Variants in ZBTB8A observed in about 807,000 individuals in gnomAD.
The protein encoded by ZBTB8A is zinc finger and BTB domain containing 8A, also known as zinc finger and BTB domain-containing protein 8A.
Under a neutral mutation model 37.8 loss-of-function variants are expected in ZBTB8A, and 19 were observed. That is an observed-to-expected ratio of 0.50 (90% CI 0.35 to 0.74). ZBTB8A has a LOEUF of 0.74. Among genes scored for constraint, ZBTB8A ranks in the 30% least tolerant of loss-of-function variants. The pLI, the probability that ZBTB8A is intolerant of heterozygous loss-of-function variation, is 0.01. For missense variants in ZBTB8A, 394 were observed against 537.8 expected (o/e 0.73, Z 2.65); for synonymous variants, 181 against 185.2 (o/e 0.98, Z 0.19).
intron 1 of ZBTB8A, among the ~76,000 whole-genome samples, chr1:32,542,224 A>C (rs1436985712): frequency 6.6e-6 from 1 of 151,356 alleles, no homozygotes; most frequent in Non-Finnish European, 1.5e-5. Context: ...GGTGGGACAC[A>C]TTAAATTTTA....
Position 32,592,986 on chromosome 1 carries a change from A to G in ZBTB8A, c.55A>G (p.Arg19Gly). 1.9e-6 allele frequency: 3 copies of G among 1,614,202 alleles called. No individual in the cohort carries two copies. Among genetic ancestry groups the G allele is most frequent in the Non-Finnish European group, 2.5e-6 (3 of 1,180,028 alleles). Residue 19 changes from arginine (R) to glycine (G), a missense_variant, in exon 3 of 5, where the codon AGG becomes GGG. This residue lies in a region of ZBTB8A where 96 missense variants were observed against 165.6 expected (regional missense o/e 0.58). Transcript: ENST00000373510. ...HLLQQLNEQR[R>G]QDVFCDCSIL... ...CCTGCAGCAACTGAACGAGCAGCGC[A>G]GGCAAGATGTATTTTGTGACTGCAG...
chr1:32,579,143 C>G lies in ZBTB8A; in HGVS notation c.-1-13788C>G, dbSNP rs147508866. Among the ~76,000 whole-genome samples the G allele has an allele frequency of 7.2e-5, 11 of 152,130 alleles. No homozygotes were observed. In the East Asian group the frequency reaches 2.1e-3, roughly 29 times the overall value. On this transcript the variant is annotated intron_variant, in intron 2 of 4. Transcript: ENST00000373510. ...TCAGCTTCAGCAAAGAATGTTTACT[C>G]TGGCTGGTCAAAACTTAAATATCAG...
At chr1:32,549,460 C>G (rs549961672) in intron 1 of ZBTB8A, among the ~76,000 whole-genome samples, 4 of 151,290 alleles carry the variant, frequency 2.6e-5, no homozygotes, top group Admixed American at 2.6e-4. Flanking sequence ...CACCGTTGCA[C>G]TCCAGCCTGG....
At chr1:32,565,406 C>A (rs1644270916) in intron 2 of ZBTB8A, among the ~76,000 whole-genome samples, 1 of 152,258 alleles carries the variant, frequency 6.6e-6, no homozygotes, top group African/African-American at 2.4e-5. Context: ...ATAATCCCTG[C>A]ACTTTGGGAG....
At chr1:32,555,342 C>T (rs919197152) in intron 2 of ZBTB8A, among the ~76,000 whole-genome samples, 2 of 151,962 alleles carry the variant, frequency 1.3e-5, no homozygotes, top group African/African-American at 4.8e-5. Context: ...TGAGCTGAGA[C>T]GGTGCCACTG....
chr1:32,545,040 A>G (rs1644091561), intron 1 of ZBTB8A, among the ~76,000 whole-genome samples: 1 of 152,192 alleles, frequency 6.6e-6, no homozygotes, highest in African/African-American at 2.4e-5. Context: ...GCTGGGTCAT[A>G]TGATAACTCC....
chr1:32,601,359 A>C lies in ZBTB8A; in HGVS notation c.*940A>C, dbSNP rs1341464779. 3.7e-6 allele frequency: 1 copy of C among 267,512 alleles called. No individual in the cohort carries two copies. Among genetic ancestry groups the C allele is most frequent in the Admixed American group, 5.4e-5 (1 of 18,666 alleles). The allele number at this position is 267,512 out of a possible 1,614,324, so 16.6% of individuals were successfully genotyped here. A position where few individuals can be genotyped will look rare whatever the true frequency, so the allele number is the denominator to read the frequency against. ...CATGGTGGCGGGTGCCTATAATCCC[A>C]GCTACTCGGGAGGCTGAGGCAGGAG... On this transcript the variant is annotated 3_prime_UTR_variant, in exon 5 of 5. Transcript: ENST00000373510.
In ZBTB8A at chr1:32,595,646, T is replaced by C. The variant is rs1013976464; in HGVS notation, c.993+423T>C. Among the ~76,000 whole-genome samples, 3 of 149,230 alleles carry C rather than the reference T, an allele frequency of 2.0e-5. No individual in the cohort carries two copies. The Admixed American group carries it at 2.0e-4, about 10-fold the overall frequency. ...GTGCAGTGGTGCCATCTCAGCTCACTGCAGCTTTTGTTTTTTTTTTTGAGA... is the reference window on the plus strand; with the variant it reads ...GTGCAGTGGTGCCATCTCAGCTCACCGCAGCTTTTGTTTTTTTTTTTGAGA... On this transcript the variant is annotated intron_variant, in intron 4 of 4. Transcript: ENST00000373510.
intron 4 of ZBTB8A, among the ~76,000 whole-genome samples, chr1:32,598,152 A>T (rs919177382): frequency 1.3e-5 from 2 of 151,548 alleles, no homozygotes; most frequent in Non-Finnish European, 2.9e-5. Flanking sequence ...TACACACAGG[A>T]TAATAACTGT....
intron 3 of ZBTB8A, among the ~76,000 whole-genome samples, chr1:32,594,111 T>C (rs1644510917): frequency 6.6e-6 from 1 of 151,618 alleles, no homozygotes; most frequent in African/African-American, 2.4e-5. Flanking sequence ...GGAGAATCAC[T>C]TGAACCCGGG....
At chr1:32,552,615 G>A (rs1419541828) in intron 1 of ZBTB8A, among the ~76,000 whole-genome samples, 2 of 151,902 alleles carry the variant, frequency 1.3e-5, no homozygotes, top group East Asian at 1.9e-4. Flanking sequence ...GCAGTGAGCC[G>A]AGATCACGCC....
At chr1:32,542,825 G>A (rs905145099) in intron 1 of ZBTB8A, among the ~76,000 whole-genome samples, 5 of 152,114 alleles carry the variant, frequency 3.3e-5, no homozygotes, top group African/African-American at 1.2e-4. Context: ...TATTTAAAAT[G>A]TTTCCATTTG....
intron 2 of ZBTB8A, among the ~76,000 whole-genome samples, chr1:32,572,674 G>A (rs1401774440): frequency 1.3e-5 from 2 of 152,162 alleles, no homozygotes; most frequent in African/African-American, 4.8e-5. Flanking sequence ...TGGGATTACA[G>A]GCATGAACCA....
At chr1:32,556,888 A>G (rs1644207285) in intron 2 of ZBTB8A, among the ~76,000 whole-genome samples, 2 of 152,078 alleles carry the variant, frequency 1.3e-5, no homozygotes, top group African/African-American at 2.4e-5. Flanking sequence ...CAAAAAAAAC[A>G]AAAAAGAAAA....
intron 2 of ZBTB8A, among the ~76,000 whole-genome samples, chr1:32,568,896 TG>T (rs1644304673): frequency 6.6e-6 from 1 of 152,202 alleles, no homozygotes; most frequent in African/African-American, 2.4e-5. Context: ...ATTTCCAATT[TG>T]GGGCTAATAT....
chr1:32,601,460 G>A lies in ZBTB8A; in HGVS notation c.*1041G>A, dbSNP rs1449924960. 1.0e-5 allele frequency: 4 copies of A among 385,898 alleles called. No individual in the cohort carries two copies. The highest frequency in any genetic ancestry group is 4.5e-5 in the Admixed American group (1 of 22,262). 23.9% of individuals were successfully genotyped at this position (385,898 alleles called of 1,614,324 possible). A position where few individuals can be genotyped will look rare whatever the true frequency, so the allele number is the denominator to read the frequency against. On this transcript the variant is annotated 3_prime_UTR_variant, in exon 5 of 5. Coordinates refer to ENST00000373510, the MANE Select transcript of ZBTB8A (RefSeq NM_001040441.3). ...TTGCACTCCAGCCTGGGCAACAAGA[G>A]CGAAACTCCGTCTCAAAAAAAAAAG...
chr1:32,575,287 C>T (rs1293117422), intron 2 of ZBTB8A, among the ~76,000 whole-genome samples: 1 of 136,866 alleles, frequency 7.3e-6, no homozygotes, highest in African/African-American at 2.8e-5. Context: ...AGTGCAGTGG[C>T]ACAATGTCAG....
chr1:32,590,234 C>A (rs1261095143), intron 2 of ZBTB8A, among the ~76,000 whole-genome samples: 1 of 151,974 alleles, frequency 6.6e-6, no homozygotes, highest in African/African-American at 2.4e-5. Context: ...GCGCCCTGCC[C>A]ATGTTAATTT....
chr1:32,560,484 TTTC>T (rs1644235430), intron 2 of ZBTB8A, among the ~76,000 whole-genome samples: 1 of 152,056 alleles, frequency 6.6e-6, no homozygotes, highest in Admixed American at 6.6e-5. Flanking sequence ...TTTTTTTCCT[TTTC>T]TTTATAAATT....
Sources: allele counts gnomAD v4.1 joint callset (sites outside exome capture counted in the v4.1 genomes callset), GRCh38; gene constraint gnomAD v4.1.1; regional missense constraint gnomAD v4.1.1; transcripts MANE v1.5; gene names NCBI Gene and HGNC (gene_info 2026-07-23, HGNC 2026-07-21).